The following MAPK4 variants were observed in gnomAD, a reference collection of about 807,000 sequenced individuals.
MAPK4 encodes mitogen-activated protein kinase 4.
Under a neutral mutation model 47.7 loss-of-function variants are expected in MAPK4, and 22 were observed. The ratio of observed to expected loss-of-function variants is 0.46; its 90% CI spans 0.33 to 0.66. The LOEUF is 0.66. Among genes scored for constraint, MAPK4 ranks in the 30% least tolerant of loss-of-function variants. The probability of loss-of-function intolerance (pLI) is 0.02; values close to 1 mark genes in which losing one functional copy is unlikely to be tolerated. For synonymous variants in MAPK4, 390 were observed against 365.7 expected (o/e 1.07, Z -0.76); for missense variants, 736 against 831.7 (o/e 0.88, Z 1.42).
At chr18:50,707,449 A>C (rs1301783882) in intron 2 of MAPK4, among the ~76,000 whole-genome samples, 2 of 151,782 alleles carry the variant, frequency 1.3e-5, no homozygotes, top group African/African-American at 4.8e-5. Flanking sequence ...CCGCACCTGT[A>C]GTCCCAGTCA....
chr18:50,719,519 C>T (rs891629444), intron 3 of MAPK4, among the ~76,000 whole-genome samples: 2 of 152,180 alleles, frequency 1.3e-5, no homozygotes, highest in Non-Finnish European at 2.9e-5. Flanking sequence ...TCGCCCTGGA[C>T]TCTGACTCAA....
chr18:50,708,602 G>A (rs1910184387), intron 2 of MAPK4, among the ~76,000 whole-genome samples: 1 of 152,218 alleles, frequency 6.6e-6, no homozygotes, highest in Admixed American at 6.5e-5. Flanking sequence ...CCAAGCTTTA[G>A]GGTCTCCACC....
At chr18:50,717,558 C>T (rs1053665944) in intron 3 of MAPK4, among the ~76,000 whole-genome samples, 46 of 152,024 alleles carry the variant, frequency 3.0e-4, no homozygotes, top group African/African-American at 9.7e-4. Context: ...AGTAAGATTC[C>T]CCCCACTAAA....
At chr18:50,622,452 G>A (rs2042740580) in intron 1 of MAPK4, among the ~76,000 whole-genome samples, 2 of 152,144 alleles carry the variant, frequency 1.3e-5, no homozygotes, top group East Asian at 1.9e-4. Flanking sequence ...CCTTGGCTGC[G>A]GGCTGCCCTG....
At chr18:50,716,920 A>G (rs1186277559) in intron 3 of MAPK4, among the ~76,000 whole-genome samples, 4 of 152,064 alleles carry the variant, frequency 2.6e-5, no homozygotes, top group Admixed American at 2.0e-4. Flanking sequence ...CTTGCCTGCT[A>G]TTAACAAAGC....
chr18:50,640,446 C>CT (rs1427988226), intron 1 of MAPK4, among the ~76,000 whole-genome samples: 12 of 149,760 alleles, frequency 8.0e-5, no homozygotes, highest in African/African-American at 2.7e-4. Context: ...TGGCTATTTT[C>CT]TTTTTTTATC....
chr18:50,716,368 C>G (rs149196974), intron 3 of MAPK4, among the ~76,000 whole-genome samples: 4 of 152,302 alleles, frequency 2.6e-5, no homozygotes, highest in Non-Finnish European at 5.9e-5. Context: ...GGCAATCCCC[C>G]CTCAGTTGCT....
intron 2 of MAPK4, among the ~76,000 whole-genome samples, chr18:50,682,421 A>G (rs1275664099): frequency 6.6e-6 from 1 of 152,204 alleles, no homozygotes; most frequent in Non-Finnish European, 1.5e-5. Context: ...AAAATTGAAG[A>G]GAATACTTCC....
intron 1 of MAPK4, among the ~76,000 whole-genome samples, chr18:50,650,851 G>A (rs949927181): frequency 1.3e-5 from 2 of 152,216 alleles, no homozygotes; most frequent in Non-Finnish European, 2.9e-5. Context: ...AGGAGGAGCT[G>A]TTTCTTTGCA....
At chr18:50,567,595 A>G (rs933988058) in intron 1 of MAPK4, among the ~76,000 whole-genome samples, 4 of 152,328 alleles carry the variant, frequency 2.6e-5, no homozygotes, top group Middle Eastern at 3.4e-3. Context: ...AAATGATGAA[A>G]TTTCACCACA....
At chr18:50,648,745 G>C (rs1291560083) in intron 1 of MAPK4, among the ~76,000 whole-genome samples, 2 of 152,158 alleles carry the variant, frequency 1.3e-5, no homozygotes, top group African/African-American at 2.4e-5. Flanking sequence ...AAGGGGACAG[G>C]CTGCAGCATC....
chr18:50,654,651 C>T (rs2043087539), intron 1 of MAPK4, among the ~76,000 whole-genome samples: 1 of 152,232 alleles, frequency 6.6e-6, no homozygotes, highest in African/African-American at 2.4e-5. Context: ...TACACACCTG[C>T]TACACATGCC....
intron 1 of MAPK4, among the ~76,000 whole-genome samples, chr18:50,658,111 G>A (rs1055494708): frequency 1.3e-5 from 2 of 152,038 alleles, no homozygotes; most frequent in South Asian, 4.1e-4. Flanking sequence ...AAAATCAAGG[G>A]TTTTTTACTC....
At chr18:50,654,797 C>G (rs2043089798) in intron 1 of MAPK4, among the ~76,000 whole-genome samples, 1 of 152,230 alleles carries the variant, frequency 6.6e-6, no homozygotes, top group South Asian at 2.1e-4. Context: ...CCTTCCCCAG[C>G]TTTGCTGATG....
intron 1 of MAPK4, among the ~76,000 whole-genome samples, chr18:50,601,242 G>A (rs1326316008): frequency 6.6e-6 from 1 of 151,010 alleles, no homozygotes; most frequent in Non-Finnish European, 1.5e-5. Flanking sequence ...GCTGAGGTGG[G>A]AAGATCGCTG....
At chr18:50,671,090 C>T (rs559014642) in intron 2 of MAPK4, among the ~76,000 whole-genome samples, 1 of 152,330 alleles carries the variant, frequency 6.6e-6, no homozygotes, top group East Asian at 1.9e-4. Context: ...TCCCAGAGAA[C>T]ACAGGTGTGT....
intron 1 of MAPK4, among the ~76,000 whole-genome samples, chr18:50,645,673 T>C (rs896390806): frequency 1.3e-5 from 2 of 152,186 alleles, no homozygotes; most frequent in Admixed American, 6.5e-5. Context: ...TTTAATTGTG[T>C]CACTCATTAC....
intron 1 of MAPK4, among the ~76,000 whole-genome samples, chr18:50,662,254 TATG>T (rs1165395256): frequency 6.6e-6 from 1 of 152,258 alleles, no homozygotes; most frequent in African/African-American, 2.4e-5. Context: ...TCTTAGACGC[TATG>T]ATATTACCTT....
At chr18:50,608,035 A>AT (rs2042597547) in intron 1 of MAPK4, among the ~76,000 whole-genome samples, 1 of 152,170 alleles carries the variant, frequency 6.6e-6, no homozygotes, top group African/African-American at 2.4e-5. Context: ...GTATCATGGA[A>AT]TTTTTTCAAT....
Sources: gnomAD v4.1 joint callset for allele counts (sites outside exome capture counted in the v4.1 genomes callset) on GRCh38, gnomAD v4.1.1 for gene constraint, MANE v1.5 for transcripts, NCBI Gene and HGNC (gene_info 2026-07-23, HGNC 2026-07-21) for gene names.